MARCHF1: variants seen among roughly 807,000 people sequenced by gnomAD.
MARCHF1 encodes the protein E3 ubiquitin-protein ligase MARCHF1.
In MARCHF1, 40 loss-of-function variants were observed where a neutral mutation model predicts 54.2. The observed-to-expected ratio is 0.74, with a 90% CI of 0.57 to 0.96. The LOEUF is 0.96. Among genes scored for constraint, MARCHF1 ranks in the 40% least tolerant of loss-of-function variants. MARCHF1 has a pLI of 0.00. For synonymous variants in MARCHF1, 236 were observed against 236.3 expected (o/e 1.00, Z 0.01); for missense variants, 586 against 656.5 (o/e 0.89, Z 1.17).
chr4:163,800,934 G>T (rs947933827), intron 4 of MARCHF1, among the ~76,000 whole-genome samples: 2 of 152,012 alleles, frequency 1.3e-5, no homozygotes, highest in Non-Finnish European at 2.9e-5. Context: ...GAAGTTCAAG[G>T]TGTCTCTAAA....
intron 2 of MARCHF1, among the ~76,000 whole-genome samples, chr4:164,008,582 G>T (rs1753346497): frequency 6.6e-6 from 1 of 151,824 alleles, no homozygotes; most frequent in South Asian, 2.1e-4. Flanking sequence ...CACATCTTAG[G>T]CAAAAATACA....
rs149886044 is a variant in MARCHF1, at chr4:164,302,515, C to T, written c.-323+81355G>A. 8.5e-5 allele frequency among the ~76,000 whole-genome samples: 13 copies of T among 152,154 alleles called. No homozygotes were observed. The East Asian group carries it at 2.5e-3, about 29-fold the overall frequency. ...AAAGGTTGAGAAAGGTTGAGAATTTCAGTTACAGAACATAAGCCTGGGAAA... is the reference window on the plus strand; with the variant it reads ...AAAGGTTGAGAAAGGTTGAGAATTTTAGTTACAGAACATAAGCCTGGGAAA... On this transcript the variant is annotated intron_variant, in intron 1 of 9. Transcript: ENST00000514618.
At chr4:164,329,940 G>A (rs1449720422) in intron 1 of MARCHF1, 1 of 152,112 alleles carries the variant, frequency 6.6e-6, no homozygotes, top group Non-Finnish European at 1.5e-5. Context: ...CATATCAGAG[G>A]GTCTCTGTGT....
chr4:163,662,167 T>C (rs1169461797), intron 5 of MARCHF1, among the ~76,000 whole-genome samples: 1 of 152,048 alleles, frequency 6.6e-6, no homozygotes, highest in Non-Finnish European at 1.5e-5. Flanking sequence ...GGAAATTATG[T>C]CTTTAAGTTT....
At chr4:164,148,451 A>C (rs1254082414) in intron 1 of MARCHF1, among the ~76,000 whole-genome samples, 1 of 151,928 alleles carries the variant, frequency 6.6e-6, no homozygotes, top group Non-Finnish European at 1.5e-5. Flanking sequence ...TCTCTTAATT[A>C]ATCTTTATCC....
chr4:164,012,217 C>T (rs1378507204), intron 2 of MARCHF1, among the ~76,000 whole-genome samples: 1 of 152,070 alleles, frequency 6.6e-6, no homozygotes, highest in Non-Finnish European at 1.5e-5. Context: ...GGGTGCAACA[C>T]CAACTGTGGT....
intron 5 of MARCHF1, among the ~76,000 whole-genome samples, chr4:163,646,822 G>A (rs1271529253): frequency 6.6e-6 from 1 of 151,950 alleles, no homozygotes; most frequent in Admixed American, 6.6e-5. Context: ...GTAGCACAAA[G>A]GAAGATAGCA....
At chr4:163,962,601 G>T (rs193081651) in intron 3 of MARCHF1, among the ~76,000 whole-genome samples, 1 of 151,956 alleles carries the variant, frequency 6.6e-6, no homozygotes, top group Admixed American at 6.6e-5. Context: ...ATTCTGCTTA[G>T]GCATTCAAAT....
intron 1 of MARCHF1, among the ~76,000 whole-genome samples, chr4:164,136,379 C>A (rs571733086): frequency 6.6e-6 from 1 of 151,564 alleles, no homozygotes; most frequent in East Asian, 1.9e-4. Flanking sequence ...TAAGTGCCAA[C>A]AGATATCCCT....
chr4:163,843,961 T>G (rs950443792), intron 4 of MARCHF1, among the ~76,000 whole-genome samples: 21 of 152,018 alleles, frequency 1.4e-4, no homozygotes, highest in South Asian at 2.1e-4. Context: ...CCTTGCTCAT[T>G]TTTTTTCAAT....
chr4:163,931,606 A>T (rs1751678083), intron 3 of MARCHF1, among the ~76,000 whole-genome samples: 1 of 152,162 alleles, frequency 6.6e-6, no homozygotes, highest in South Asian at 2.1e-4. Context: ...AAAGAAATAC[A>T]TTTCCGTTGT....
intron 1 of MARCHF1, among the ~76,000 whole-genome samples, chr4:164,257,828 G>C (rs6847161): frequency 0.12 from 17,750 of 152,140 alleles, 1,625 homozygotes; most frequent in African/African-American, 0.25. Flanking sequence ...TATTAGTGGG[G>C]CATGGTGGCA....
intron 4 of MARCHF1, among the ~76,000 whole-genome samples, chr4:163,819,491 A>G (rs1427827261): frequency 6.6e-6 from 1 of 152,044 alleles, no homozygotes; most frequent in Non-Finnish European, 1.5e-5. Flanking sequence ...CCCAAACTTA[A>G]AAAAGCCCTA....
At chr4:163,668,390 C>T (rs1453499887) in intron 5 of MARCHF1, among the ~76,000 whole-genome samples, 2 of 152,100 alleles carry the variant, frequency 1.3e-5, no homozygotes. Flanking sequence ...GATATATAAA[C>T]AATTAATGAA....
chr4:163,873,964 G>A (rs759742411), intron 3 of MARCHF1, among the ~76,000 whole-genome samples: 5 of 152,162 alleles, frequency 3.3e-5, no homozygotes, highest in South Asian at 2.1e-4. Context: ...AGACAGTAAC[G>A]AAACCCTAAT....
chr4:164,075,610 A>G (rs1301589393), intron 2 of MARCHF1, among the ~76,000 whole-genome samples: 22 of 152,224 alleles, frequency 1.4e-4, no homozygotes, highest in Admixed American at 1.4e-3. Flanking sequence ...GTTACATGGC[A>G]TTGTTGTGGT....
intron 1 of MARCHF1, among the ~76,000 whole-genome samples, chr4:164,127,088 T>C (rs1756200774): frequency 8.3e-6 from 1 of 119,946 alleles, no homozygotes; most frequent in African/African-American, 3.1e-5. Flanking sequence ...CAAAGAGGAA[T>C]ATGTTATTGG....
At chr4:163,607,647 A>G (rs546111392) in intron 7 of MARCHF1, among the ~76,000 whole-genome samples, 1 of 152,234 alleles carries the variant, frequency 6.6e-6, no homozygotes, top group South Asian at 2.1e-4. Flanking sequence ...TCAAGGGAAT[A>G]TGATAAAAAA....
At chr4:163,858,600 T>C (rs1749834461) in intron 3 of MARCHF1, among the ~76,000 whole-genome samples, 1 of 152,192 alleles carries the variant, frequency 6.6e-6, no homozygotes, top group Admixed American at 6.5e-5. Context: ...GAAACATGTC[T>C]CAACTATTAG....
Sources: gnomAD v4.1 joint callset for allele counts (sites outside exome capture counted in the v4.1 genomes callset) on GRCh38, gnomAD v4.1.1 for gene constraint, MANE v1.5 for transcripts, NCBI Gene and HGNC (gene_info 2026-07-23, HGNC 2026-07-21) for gene names.